Variants in TRIM41 observed in about 807,000 individuals in gnomAD.
The protein encoded by TRIM41 is tripartite motif containing 41.
Under a neutral mutation model 60.6 loss-of-function variants are expected in TRIM41, and 21 were observed. The ratio of observed to expected loss-of-function variants is 0.35; its 90% confidence interval spans 0.25 to 0.50. The LOEUF (loss-of-function observed/expected upper bound fraction) is 0.50, where lower values mean the gene tolerates loss of function less well. Ranked by LOEUF, TRIM41 falls within the 20% of genes least tolerant of loss-of-function variation. The probability of loss-of-function intolerance (pLI) is 0.98; values close to 1 mark genes in which losing one functional copy is unlikely to be tolerated. For missense variants in TRIM41, 846 were observed against 868.3 expected (o/e 0.97, Z 0.32); for synonymous variants, 407 against 344.9 (o/e 1.18, Z -2.00).
intron 1 of TRIM41, chr5:181,226,874 CCCCT>C (rs1243798543): frequency 5.1e-5 from 2 of 39,404 alleles, no homozygotes; most frequent in Admixed American, 4.2e-4. Flanking sequence ...TTTCTTTTCC[CCCCT>C]TTTTTTTTTT....
At position 181,232,867 on chromosome 5, in the gene TRIM41, A is replaced by C; in HGVS notation, c.1118A>C (p.Gln373Pro). Residue 373 changes from glutamine to proline, a missense_variant, in exon 3 of 6, where the codon CAG becomes CCG. Transcript: ENST00000315073. ...GCAGAGGCCCAGGAGCGGAGCCAGC[A>C]GGGGGGTCTCCGGCTGCTCCAGGTG... ...LLAEAQERSQ[Q>P]GGLRLLQDIK... 1 of 1,544,970 alleles carries C rather than the reference A, an allele frequency of 6.5e-7. No individual in the cohort carries two copies. Among genetic ancestry groups the C allele is most frequent in the African/African-American group, 1.4e-5 (1 of 73,322 alleles).
chr5:181,225,189 C>T, intron 1 of TRIM41: 1 of 293,828 alleles, frequency 3.4e-6, no homozygotes, highest in Non-Finnish European at 6.5e-6. Context: ...AGAAAAGGCT[C>T]AGAAGCAGGA....
Position 181,223,281 on chromosome 5 carries a change from G to A in TRIM41, c.-719G>A, listed in dbSNP as rs138474811. 9.9e-4 allele frequency: 395 copies of A among 398,874 alleles called. 5 individuals are homozygous for A. The highest frequency in any genetic ancestry group is 7.3e-3 in the African/African-American group (356 of 48,762). The allele number at this position is 398,874 out of a possible 1,614,324, so 24.7% of individuals were successfully genotyped here. On this transcript the variant is annotated 5_prime_UTR_variant, in exon 1 of 6. Coordinates refer to ENST00000315073, the MANE Select transcript of TRIM41 (RefSeq NM_033549.5). Reference sequence around the variant, plus strand: ...GGGCGCGCCGCGGACCCACCCCCTCGCTTCCGGCATCGGCTGTGGGGAGTA... The same window carrying A: ...GGGCGCGCCGCGGACCCACCCCCTCACTTCCGGCATCGGCTGTGGGGAGTA...
rs201854494 is a variant in TRIM41, at chr5:181,233,500, C to T, written c.1163+65C>T. 102 of 1,613,582 alleles carry T rather than the reference C, an allele frequency of 6.3e-5. No individual in the cohort carries two copies. The highest frequency in any genetic ancestry group is 7.0e-5 in the Non-Finnish European group (82 of 1,179,712). On this transcript the variant is annotated intron_variant, in intron 4 of 5. Coordinates refer to ENST00000315073, the MANE Select transcript of TRIM41 (RefSeq NM_033549.5). The surrounding 1 kb of genome is among the most constrained non-coding windows in gnomAD (Gnocchi z 4.1). ...CTGGTTCCCTGTCCCTGCTTCTCTT[C>T]GGTATCCCTCTCCTCTCCTTCCTTC...
At position 181,233,396 on chromosome 5, in the gene TRIM41, G is replaced by C. The variant is rs759742134; in HGVS notation, c.1141-17G>C. On this transcript the variant is annotated splice_polypyrimidine_tract_variant and intron_variant, in intron 3 of 5. Coordinates refer to ENST00000315073, the MANE Select transcript of TRIM41 (RefSeq NM_033549.5). The surrounding 1 kb of genome is among the most constrained non-coding windows in gnomAD (Gnocchi z 4.1). Reference sequence around the variant, plus strand: ...TCTCTTTCTCCCTCTCCCTCTTTTTGTTTCTCTTATTCCCAGGACATCAAG... The same window carrying C: ...TCTCTTTCTCCCTCTCCCTCTTTTTCTTTCTCTTATTCCCAGGACATCAAG... The C allele has an allele frequency of 1.2e-6, 2 of 1,613,282 alleles. No individual in the cohort carries two copies. Among genetic ancestry groups the C allele is most frequent in the East Asian group, 2.2e-5 (1 of 44,878 alleles).
At chr5:181,224,899 C>A (rs1288256523) in intron 1 of TRIM41, 87 bp downstream of exon 1, 1 of 1,570,996 alleles carries the variant, frequency 6.4e-7, no homozygotes, top group South Asian at 1.1e-5. Context: ...CATCTCTTCA[C>A]CCACCAAAGA....
Position 181,233,713 on chromosome 5 carries a change from C to T in TRIM41, c.1241C>T (p.Thr414Ile), listed in dbSNP as rs1758910283. ...CAACCCCATAGCCATGACTTCCTGA[C>T]AGATGCCATCGTGAGGAAAATGAGC... ...PCQPHSHDFLTDAIVRKMSRM... is the reference protein window; with the variant it reads ...PCQPHSHDFLIDAIVRKMSRM... Residue 414 changes from threonine (T) to isoleucine (I), a missense_variant, in exon 5 of 6, where the codon ACA becomes ATA. Thr to Ile is a moderately conservative substitution (Grantham distance 89). Coordinates refer to ENST00000315073, the MANE Select transcript of TRIM41 (RefSeq NM_033549.5). The surrounding 1 kb of genome is among the most constrained non-coding windows in gnomAD (Gnocchi z 4.1). 6.2e-7 allele frequency: 1 copy of T among 1,614,110 alleles called. No homozygotes were observed. The highest frequency in any genetic ancestry group is 1.7e-5 in the Admixed American group (1 of 60,008).
intron 1 of TRIM41, chr5:181,227,792 T>C (rs1758613763): frequency 6.6e-6 from 1 of 152,150 alleles, no homozygotes; most frequent in Non-Finnish European, 1.5e-5. Context: ...TACATGTTTG[T>C]TTTGTTTTTT....
Position 181,233,614 on chromosome 5 carries a change from C to G in TRIM41, c.1164-22C>G, listed in dbSNP as rs1221623477. 1 of 1,613,538 alleles carries G rather than the reference C, an allele frequency of 6.2e-7. No individual in the cohort carries two copies. Among genetic ancestry groups the G allele is most frequent in the South Asian group, 1.1e-5 (1 of 91,080 alleles). ...TCTGGGAATATCGTGGTCCCACCCC[C>G]TGCCCGGTCCCCTTCCTCCAGGTGT... On this transcript the variant is annotated intron_variant, in intron 4 of 5. Transcript: ENST00000315073. The surrounding 1 kb of genome is among the most constrained non-coding windows in gnomAD (Gnocchi z 4.1).
In TRIM41 at chr5:181,223,319, G is replaced by A. The variant is rs1561664903; in HGVS notation, c.-681G>A. The A allele has an allele frequency of 5.0e-6, 2 of 398,988 alleles. No homozygotes were observed. Among genetic ancestry groups the A allele is most frequent in the Non-Finnish European group, 8.8e-6 (2 of 226,428 alleles). The allele number at this position is 398,988 out of a possible 1,614,324, so 24.7% of individuals were successfully genotyped here. On this transcript the variant is annotated 5_prime_UTR_variant, in exon 1 of 6. Coordinates refer to ENST00000315073, the MANE Select transcript of TRIM41 (RefSeq NM_033549.5). ...GCTGTGGGGAGTACCGGCTGCAGTC[G>A]GCTGTGCCGGGAGGGTAGGATGGCG... is the stretch of plus-strand genomic sequence containing the variant.
chr5:181,234,949 C>T lies in TRIM41; in HGVS notation c.*174C>T, dbSNP rs1182257575. ...CCCTCTAGGAGCCTAAAGAACCCTCCTGGCCTCCAGCTCAGCCTTCTCTCA... is the reference window on the plus strand; with the variant it reads ...CCCTCTAGGAGCCTAAAGAACCCTCTTGGCCTCCAGCTCAGCCTTCTCTCA... On this transcript the variant is annotated 3_prime_UTR_variant, in exon 6 of 6. Transcript: ENST00000315073. The surrounding 1 kb of genome is among the most constrained non-coding windows in gnomAD (Gnocchi z 5.6). The T allele has an allele frequency of 6.2e-7, 1 of 1,614,024 alleles. No homozygotes were observed. Among genetic ancestry groups the T allele is most frequent in the Non-Finnish European group, 8.5e-7 (1 of 1,179,984 alleles).
chr5:181,235,038 C>T lies in TRIM41; in HGVS notation c.*263C>T, dbSNP rs754100526. On this transcript the variant is annotated 3_prime_UTR_variant, in exon 6 of 6. Transcript: ENST00000315073. ...ATAATGAGAACAGCTGCCTGGTCTT[C>T]TCTCCCAGTCTGCCTAGCCCAGCCC... 7 of 1,613,942 alleles carry T rather than the reference C, an allele frequency of 4.3e-6. No individual in the cohort carries two copies. The highest frequency in any genetic ancestry group is 1.7e-5 in the Admixed American group (1 of 60,014).
chr5:181,232,956 G>A (rs1403969781), intron 3 of TRIM41, 67 bp downstream of exon 3: 5 of 1,464,052 alleles, frequency 3.4e-6, no homozygotes, highest in Non-Finnish European at 1.9e-6. Flanking sequence ...CTTACCAAAC[G>A]CCTGTCCAGA....
At chr5:181,225,316 TCTGTGTCA>T (rs1758500610) in intron 1 of TRIM41, 1 of 179,888 alleles carries the variant, frequency 5.6e-6, no homozygotes, top group African/African-American at 2.4e-5. Flanking sequence ...TTTGGTTGGC[TCTGTGTCA>T]TTCTTATGCA....
chr5:181,228,297 C>A (rs1348101515), intron 1 of TRIM41: 1 of 151,796 alleles, frequency 6.6e-6, no homozygotes, highest in Non-Finnish European at 1.5e-5. Context: ...TGGTGGCTCA[C>A]GCCTGTAATC....
intron 1 of TRIM41, 67 bp downstream of exon 1, chr5:181,224,879 G>C (rs1758477906): frequency 1.2e-6 from 2 of 1,605,036 alleles, no homozygotes; most frequent in African/African-American, 1.3e-5. Context: ...GGGGACCTGG[G>C]AAAAGGAAAC....
In TRIM41 at chr5:181,224,148, GGGAGGATGA is replaced by G; in HGVS notation, c.156_164del (p.Glu53_Asp55del). The G allele has an allele frequency of 6.2e-7, 1 of 1,614,192 alleles. No individual in the cohort carries two copies. The highest frequency in any genetic ancestry group is 8.5e-7 in the Non-Finnish European group (1 of 1,180,038). ...GTTTGTGTAACCCAGTTGTGGGGTG[GGGAGGATGA>G]GGAGGACAGAGATGAGTTAGATCGG... On this transcript the variant is annotated inframe_deletion, in exon 1 of 6. Transcript: ENST00000315073.
At chr5:181,232,564 C>T in intron 2 of TRIM41, 95 bp from the exon 3 acceptor site, 1 of 1,212,712 alleles carries the variant, frequency 8.2e-7, no homozygotes, top group Non-Finnish European at 1.2e-6. Context: ...GTGTAGGGCT[C>T]CTTTGCCTTG....
rs1044207 is a variant in TRIM41, at chr5:181,235,517, C to T, written c.*742C>T. On this transcript the variant is annotated 3_prime_UTR_variant, in exon 6 of 6. Transcript: ENST00000315073. Reference sequence around the variant, plus strand: ...AAGGAGCAAAGCTCATCCCACCCCACACCCCTCCCAGGTCTGCTCACTGCC... The same window carrying T: ...AAGGAGCAAAGCTCATCCCACCCCATACCCCTCCCAGGTCTGCTCACTGCC... 6.0e-6 allele frequency: 8 copies of T among 1,327,600 alleles called. No individual in the cohort carries two copies. Among genetic ancestry groups the T allele is most frequent in the African/African-American group, 1.5e-5 (1 of 68,934 alleles). The allele number at this position is 1,327,600 out of a possible 1,614,324, so 82.2% of individuals were successfully genotyped here.
Sources: allele counts gnomAD v4.1 joint callset, GRCh38; gene constraint gnomAD v4.1.1; non-coding constraint Gnocchi (gnomAD v3.1); transcripts MANE v1.5; gene names NCBI Gene and HGNC (gene_info 2026-07-23, HGNC 2026-07-21).